CERS1: variants seen among roughly 807,000 people sequenced by gnomAD.
The protein encoded by CERS1 is ceramide synthase 1.
CERS1 carries 16 observed loss-of-function variants against 35.7 expected under a neutral mutation model. The ratio of observed to expected loss-of-function variants is 0.45; its 90% CI spans 0.30 to 0.68. The LOEUF (loss-of-function observed/expected upper bound fraction) is 0.68, where lower values mean the gene tolerates loss of function less well. Among genes scored for constraint, CERS1 ranks in the 30% least tolerant of loss-of-function variants. CERS1 has a pLI of 0.08. For missense variants in CERS1, 454 were observed against 453.9 expected (o/e 1.00, Z 0.00); for synonymous variants, 243 against 201.6 (o/e 1.21, Z -1.74).
intron 3 of CERS1, among the ~76,000 whole-genome samples, chr19:18,883,671 C>G (rs773662032): frequency 6.6e-6 from 1 of 152,244 alleles, no homozygotes; most frequent in Non-Finnish European, 1.5e-5. Context: ...GGCTCACTGA[C>G]GGCTGTGGTT....
intron 3 of CERS1, chr19:18,883,124 A>C (rs909722793): frequency 7.9e-5 from 12 of 152,248 alleles, no homozygotes; most frequent in African/African-American, 2.2e-4. Flanking sequence ...CTGCTCCTGG[A>C]GTTTTATTTA....
chr19:18,884,039 T>G lies in CERS1; in HGVS notation c.590+48A>C, dbSNP rs1335777234. The G allele has an allele frequency of 2.5e-6, 4 of 1,577,860 alleles. No homozygotes were observed. In the African/African-American group the frequency reaches 4.0e-5, roughly 16 times the overall value. ...CCCGCCGCAACATCAGCCTCCGCAC[T>G]CTGTGTGGGCTGTGCCTCGGCCCCC... On this transcript the variant is annotated intron_variant, in intron 3 of 7. Coordinates refer to ENST00000623882, the MANE Select transcript of CERS1 (RefSeq NM_021267.5).
Position 18,882,452 on chromosome 19 carries a change from G to A in CERS1, c.590+1635C>T, listed in dbSNP as rs1447027367. Among the ~76,000 whole-genome samples the A allele has an allele frequency of 4.6e-5, 7 of 151,648 alleles. No individual in the cohort carries two copies. The East Asian group carries it at 1.0e-3, about 22-fold the overall frequency. ...GTTCGAGTCCAGCCTGGCCAACATG[G>A]TGAAACCCCATCTCTACTAAAAATA... On this transcript the variant is annotated intron_variant, in intron 3 of 7. Coordinates refer to ENST00000623882, the MANE Select transcript of CERS1 (RefSeq NM_021267.5).
At chr19:18,892,545 C>T (rs1160384548) in intron 2 of CERS1, among the ~76,000 whole-genome samples, 2 of 151,882 alleles carry the variant, frequency 1.3e-5, no homozygotes, top group Non-Finnish European at 2.9e-5. Context: ...ACCCAGGAGG[C>T]GGAGCTCACA....
chr19:18,877,976 C>T (rs1409304426), intron 6 of CERS1: 8 of 985,326 alleles, frequency 8.1e-6, no homozygotes, highest in Non-Finnish European at 8.4e-6. Flanking sequence ...ATGGGTTCTC[C>T]CTTCCAAACA....
chr19:18,889,628 C>T lies in CERS1; in HGVS notation c.409+3788G>A, dbSNP rs1236353085. ...TATTTTTTGTAGAGATGGCGTCTCA[C>T]TATATTCCCAAGGTTGGTCTCGAAC... On this transcript the variant is annotated intron_variant, in intron 2 of 7. Coordinates refer to ENST00000623882, the MANE Select transcript of CERS1 (RefSeq NM_021267.5). Among the ~76,000 whole-genome samples the T allele has an allele frequency of 2.0e-5, 3 of 152,150 alleles. No homozygotes were observed. In the East Asian group the frequency reaches 5.8e-4, roughly 29 times the overall value.
intron 6 of CERS1, among the ~76,000 whole-genome samples, chr19:18,871,271 G>A (rs2055965948): frequency 7.0e-6 from 1 of 142,930 alleles, no homozygotes; most frequent in Admixed American, 7.2e-5. Flanking sequence ...CTGTTGCCTA[G>A]TCTGGAGTGT....
rs1173276997 is a variant in CERS1 at position 18,870,698 on chromosome 19, C to G, written c.1011-79G>C. On this transcript the variant is annotated intron_variant, in intron 6 of 7. Coordinates refer to ENST00000623882, the MANE Select transcript of CERS1 (RefSeq NM_021267.5). This position sits in a 1 kb window ranked among gnomAD's most constrained non-coding sequence, Gnocchi z 5.1. ...CCCTCTTTCCCGCTTCTTCTCTGGC[C>G]GTTTCACACCCCCTGGCTCCTTTTA... 1 of 499,524 alleles carries G rather than the reference C, an allele frequency of 2.0e-6. No individual in the cohort carries two copies. The highest frequency in any genetic ancestry group is 3.6e-6 in the Non-Finnish European group (1 of 275,920). 30.9% of individuals were successfully genotyped at this position (499,524 alleles called of 1,614,324 possible). A position where few individuals can be genotyped will look rare whatever the true frequency, so the allele number is the denominator to read the frequency against.
rs1568301769 is a variant in CERS1 at position 18,884,206 on chromosome 19, G to A, written c.471C>T (p.Ser157=). Residue 157 remains serine (S), a synonymous_variant, in exon 3 of 8, where the codon AGC becomes AGT. Coordinates refer to ENST00000623882, the MANE Select transcript of CERS1 (RefSeq NM_021267.5). ...TAGCGTAGATGGAGTGGCCATAGAA[G>A]CTTCCCTGGAGCAGGTAGGCGGCTG... ...DIAAAYLLQG[S]FYGHSIYATL... The A allele has an allele frequency of 2.5e-6, 4 of 1,613,600 alleles. No individual in the cohort carries two copies. The highest frequency in any genetic ancestry group is 2.5e-6 in the Non-Finnish European group (3 of 1,179,830).
In CERS1 at chr19:18,880,440, G is replaced by T; in HGVS notation, c.591-5C>A. 2 of 1,577,460 alleles carry T rather than the reference G, an allele frequency of 1.3e-6. No individual in the cohort carries two copies. Among genetic ancestry groups the T allele is most frequent in the East Asian group, 4.6e-5 (2 of 43,564 alleles). On this transcript the variant is annotated splice_polypyrimidine_tract_variant and splice_region_variant and intron_variant, in intron 3 of 7. Transcript: ENST00000623882. The stretch of plus-strand genomic sequence containing the variant: ...AGGATGCCCACATTGTGGTACCTGG[G>T]GGAGCAGCAGGCAGAGAGGAGAGGG...
Position 18,896,021 on chromosome 19 carries a change from T to C in CERS1, c.52A>G (p.Ser18Gly). 2.0e-6 allele frequency: 2 copies of C among 1,005,108 alleles called. No individual in the cohort carries two copies. The highest frequency in any genetic ancestry group is 1.8e-5 in the African/African-American group (1 of 56,700). 62.3% of individuals were successfully genotyped at this position (1,005,108 alleles called of 1,614,324 possible). The change falls in exon 1 of 8, where the codon AGC (serine) becomes GGC (glycine). Residue 18 changes from serine to glycine, a missense_variant. Physicochemically the swap from Ser to Gly is moderately conservative, Grantham distance 56. Coordinates refer to ENST00000623882, the MANE Select transcript of CERS1 (RefSeq NM_021267.5). The surrounding 1 kb of genome is among the most constrained non-coding windows in gnomAD (Gnocchi z 5.9). ...AGPTGPEPMP[S>G]YAQLVQRGWG... ...CCGCGCTGCACTAGCTGCGCGTAGC[T>C]CGGCATGGGCTCGGGCCCCGTCGGC...
chr19:18,891,264 A>G (rs375990077), intron 2 of CERS1, among the ~76,000 whole-genome samples: 24 of 152,286 alleles, frequency 1.6e-4, no homozygotes, highest in African/African-American at 5.8e-4. Flanking sequence ...CATCCACTGT[A>G]CACTCTGGGC....
At chr19:18,894,774 G>C (rs540077992) in intron 1 of CERS1, among the ~76,000 whole-genome samples, 1 of 152,262 alleles carries the variant, frequency 6.6e-6, no homozygotes, top group Admixed American at 6.5e-5. Flanking sequence ...AGTGGGGAGA[G>C]TGGCAGTCAG....
Position 18,869,302 on chromosome 19 carries a change from G to T in CERS1, c.*683C>A, listed in dbSNP as rs1047993053. The T allele has an allele frequency of 5.9e-6, 9 of 1,516,458 alleles. No individual in the cohort carries two copies. In the African/African-American group the frequency reaches 1.3e-4, roughly 22 times the overall value. 93.9% of individuals were successfully genotyped at this position (1,516,458 alleles called of 1,614,324 possible). The stretch of plus-strand genomic sequence containing the variant: ...GGCGGGCCCGGCTCGGGCGCTCAGC[G>T]GGTTCCACAGCCGACAGGTCGAAGA... On this transcript the variant is annotated 3_prime_UTR_variant, in exon 8 of 8. Transcript: ENST00000623882.
upstream of CERS1, chr19:18,896,749 C>T (rs2056632219): frequency 6.6e-6 from 1 of 152,304 alleles, no homozygotes; most frequent in Admixed American, 6.5e-5. This position sits in a 1 kb window ranked among gnomAD's most constrained non-coding sequence, Gnocchi z 5.9. Flanking sequence ...AGCTCTCTGC[C>T]CTACACCAGG....
At chr19:18,885,507 TCTC>T (rs1315036437) in intron 2 of CERS1, among the ~76,000 whole-genome samples, 2 of 94,726 alleles carry the variant, frequency 2.1e-5, no homozygotes, top group Non-Finnish European at 2.2e-5. Flanking sequence ...CAGCGCCCCT[TCTC>T]GTTTTTTTTT....
At position 18,868,934 on chromosome 19, in the gene CERS1, C is replaced by A; in HGVS notation, c.*1051G>T. On this transcript the variant is annotated 3_prime_UTR_variant, in exon 8 of 8. Coordinates refer to ENST00000623882, the MANE Select transcript of CERS1 (RefSeq NM_021267.5). ...CGCGCGACAAGCGCCCCCGGGGCCG[C>A]CGCCCAACACGGGTTCGGCGTCGCG... 1 of 1,292,276 alleles carries A rather than the reference C, an allele frequency of 7.7e-7. No homozygotes were observed. Among genetic ancestry groups the A allele is most frequent in the Non-Finnish European group, 9.9e-7 (1 of 1,013,190 alleles). 80.1% of individuals were successfully genotyped at this position (1,292,276 alleles called of 1,614,324 possible).
chr19:18,887,381 C>T (rs916615210), intron 2 of CERS1, among the ~76,000 whole-genome samples: 4 of 151,986 alleles, frequency 2.6e-5, no homozygotes, highest in East Asian at 1.9e-4. Context: ...GCTAATGGGA[C>T]GGGGTTTCCT....
chr19:18,880,399 G>C lies in CERS1; in HGVS notation c.627C>G (p.His209Gln). The change falls in exon 4 of 8, where the codon CAC (histidine) becomes CAG (glutamine). Residue 209 changes from histidine (H) to glutamine (Q), a missense_variant. His to Gln is a conservative substitution (Grantham distance 24). Transcript: ENST00000623882. ...HNVGILVLFL[H>Q]DISDVQLEFT... ...ACTCAAGCTGCACGTCACTGATATC[G>C]TGCAGGAAGAGCACAAGGATGCCCA... 6.3e-7 allele frequency: 1 copy of C among 1,589,698 alleles called. No individual in the cohort carries two copies. The highest frequency in any genetic ancestry group is 8.6e-7 in the Non-Finnish European group (1 of 1,168,274).
Sources: allele counts gnomAD v4.1 joint callset (sites outside exome capture counted in the v4.1 genomes callset), GRCh38; gene constraint gnomAD v4.1.1; non-coding constraint Gnocchi (gnomAD v3.1); transcripts MANE v1.5; gene names NCBI Gene and HGNC (gene_info 2026-07-23, HGNC 2026-07-21).